Variants in PIGU observed in about 807,000 individuals in gnomAD.
PIGU encodes the protein phosphatidylinositol glycan anchor biosynthesis class U.
A neutral mutation model predicts 49.9 loss-of-function variants in PIGU; 24 were observed. That is an observed-to-expected ratio of 0.48 (90% CI 0.35 to 0.68). The LOEUF is 0.68. Among genes scored for constraint, PIGU ranks in the 30% least tolerant of loss-of-function variants. The probability of loss-of-function intolerance (pLI) is 0.01; values close to 1 mark genes in which losing one functional copy is unlikely to be tolerated. For synonymous variants in PIGU, 220 were observed against 205.7 expected (o/e 1.07, Z -0.59); for missense variants, 490 against 532.6 (o/e 0.92, Z 0.79).
chr20:34,561,386 G>A (rs1982501391), intron 11 of PIGU, among the ~76,000 whole-genome samples: 1 of 152,214 alleles, frequency 6.6e-6, no homozygotes. Context: ...CTTCCAGCCA[G>A]GTGCCCAGGC....
At chr20:34,634,514 T>C in intron 6 of PIGU, 101 bp downstream of exon 6, 43 of 1,406,542 alleles carry the variant, frequency 3.1e-5, no homozygotes, top group Non-Finnish European at 4.0e-5. Flanking sequence ...TGTTTTTAAG[T>C]GTTGCATTAA....
In PIGU at chr20:34,655,965, A is replaced by G. The variant is rs1986683851; in HGVS notation, c.195+1215T>C. Among the ~76,000 whole-genome samples the G allele has an allele frequency of 2.0e-5, 2 of 102,528 alleles. 1 individual carries two copies. The highest frequency in any genetic ancestry group is 7.4e-5 in the African/African-American group (2 of 27,044). 67.3% of individuals were successfully genotyped at this position (102,528 alleles called of 152,430 possible). ...GGACCTAATTAAGAGTGTTTTCACT[A>G]TTCTTTTTTTTTTTTTTTTTTTTTT... On this transcript the variant is annotated intron_variant, in intron 2 of 11. Coordinates refer to ENST00000217446, the MANE Select transcript of PIGU (RefSeq NM_080476.5).
intron 6 of PIGU, among the ~76,000 whole-genome samples, chr20:34,631,785 ATTTTTTTTTTTT>A (rs1166878990): frequency 6.2e-4 from 4 of 6,442 alleles, no homozygotes; most frequent in African/African-American, 2.5e-3. Context: ...ATATATATAT[ATTTTTTTTTTTT>A]TTTTTTTTTT....
intron 9 of PIGU, 55 bp downstream of exon 9, chr20:34,585,382 C>T (rs1983656194): frequency 1.3e-6 from 2 of 1,570,654 alleles, no homozygotes; most frequent in South Asian, 2.3e-5. Context: ...CTACTAGAGG[C>T]AGGGGCTTCT....
chr20:34,612,629 T>C lies in PIGU; in HGVS notation c.627+3413A>G, dbSNP rs568668458. Reference sequence around the variant, plus strand: ...TTTTTCTTTCCTTTTCTTTTTTTTTTTTTTCTTTTTTTGAGACAGAGTGTC... The same window carrying C: ...TTTTTCTTTCCTTTTCTTTTTTTTTCTTTTCTTTTTTTGAGACAGAGTGTC... On this transcript the variant is annotated intron_variant, in intron 7 of 11. Transcript: ENST00000217446. Among the ~76,000 whole-genome samples, 3 of 151,210 alleles carry C rather than the reference T, an allele frequency of 2.0e-5. No homozygotes were observed. In the South Asian group the frequency reaches 6.3e-4, roughly 32 times the overall value.
chr20:34,632,380 T>C (rs988937699), intron 6 of PIGU, among the ~76,000 whole-genome samples: 9 of 151,988 alleles, frequency 5.9e-5, no homozygotes, highest in African/African-American at 2.2e-4. Context: ...CCCTTTTTTT[T>C]TTTTTTGAGA....
chr20:34,652,554 G>A lies in PIGU; in HGVS notation c.195+4626C>T, dbSNP rs117845481. On this transcript the variant is annotated intron_variant, in intron 2 of 11. Coordinates refer to ENST00000217446, the MANE Select transcript of PIGU (RefSeq NM_080476.5). Reference sequence around the variant, plus strand: ...CTAGTTTCTTAAGGTAGAAGCTGTGGTTATTGACTTGAGGTCTTCTTTTCT... The same window carrying A: ...CTAGTTTCTTAAGGTAGAAGCTGTGATTATTGACTTGAGGTCTTCTTTTCT... Among the ~76,000 whole-genome samples the A allele has an allele frequency of 5.4e-3, 825 of 152,184 alleles. 29 individuals carry two copies. Among genetic ancestry groups the A allele is most frequent in the East Asian group, 0.037 (190 of 5,182 alleles).
At chr20:34,617,837 G>A (rs1432912519) in intron 6 of PIGU, among the ~76,000 whole-genome samples, 2 of 152,152 alleles carry the variant, frequency 1.3e-5, no homozygotes, top group Non-Finnish European at 2.9e-5. Context: ...AATGTGGGAG[G>A]GACCCAGGGG....
chr20:34,588,338 G>A, intron 8 of PIGU, 115 bp downstream of exon 8: 1 of 891,164 alleles, frequency 1.1e-6, no homozygotes, highest in East Asian at 2.9e-5. Context: ...GTTGTTTGAG[G>A]AATGTTCATA....
At chr20:34,662,555 A>G (rs1232914880) in intron 1 of PIGU, among the ~76,000 whole-genome samples, 1 of 151,930 alleles carries the variant, frequency 6.6e-6, no homozygotes, top group Non-Finnish European at 1.5e-5. Flanking sequence ...CCACCAGACC[A>G]CCTAATTTTT....
intron 11 of PIGU, among the ~76,000 whole-genome samples, chr20:34,574,681 C>T (rs1260801687): frequency 6.6e-6 from 1 of 152,182 alleles, no homozygotes; most frequent in African/African-American, 2.4e-5. Flanking sequence ...CCCTCTCCCC[C>T]TCACTCTATC....
At chr20:34,622,984 CG>C (rs1055423832) in intron 6 of PIGU, among the ~76,000 whole-genome samples, 2 of 152,042 alleles carry the variant, frequency 1.3e-5, no homozygotes, top group Non-Finnish European at 2.9e-5. Context: ...TCAGCAAGAC[CG>C]GGGGTAATAC....
chr20:34,644,355 A>G, intron 3 of PIGU, 129 bp from the exon 4 acceptor site: 2 of 675,708 alleles, frequency 3.0e-6, no homozygotes, highest in South Asian at 3.6e-5. Context: ...ATCAGGTAGA[A>G]CTTCAACCCT....
At chr20:34,585,316 G>A (rs1983653885) in intron 9 of PIGU, 121 bp downstream of exon 9, 13 of 1,228,476 alleles carry the variant, frequency 1.1e-5, no homozygotes, top group Non-Finnish European at 1.5e-5. Flanking sequence ...GGTTCCTTAG[G>A]TGAGATGCTC....
chr20:34,609,587 A>C (rs1385388414), intron 7 of PIGU, among the ~76,000 whole-genome samples: 1 of 151,694 alleles, frequency 6.6e-6, no homozygotes, highest in Non-Finnish European at 1.5e-5. Flanking sequence ...CTTGTCTCGA[A>C]CTCCTAACCT....
At chr20:34,616,953 T>C (rs752536929) in intron 6 of PIGU, among the ~76,000 whole-genome samples, 1 of 152,128 alleles carries the variant, frequency 6.6e-6, no homozygotes, top group Non-Finnish European at 1.5e-5. Context: ...CTACTAAAAA[T>C]ACAAACATTA....
chr20:34,565,184 T>C (rs981953706), intron 11 of PIGU, among the ~76,000 whole-genome samples: 8 of 152,196 alleles, frequency 5.3e-5, no homozygotes, highest in African/African-American at 1.9e-4. Flanking sequence ...AGTCTCTTCC[T>C]GTCCCCTGGG....
At chr20:34,626,686 T>G (rs1415537727) in intron 6 of PIGU, among the ~76,000 whole-genome samples, 1 of 152,230 alleles carries the variant, frequency 6.6e-6, no homozygotes, top group African/African-American at 2.4e-5. Flanking sequence ...ATCTATTTGA[T>G]AGAACATTTG....
chr20:34,668,188 C>T (rs910211250), intron 1 of PIGU, among the ~76,000 whole-genome samples: 1 of 151,974 alleles, frequency 6.6e-6, no homozygotes, highest in Admixed American at 6.6e-5. Flanking sequence ...TGTGGCCAGG[C>T]GCGGTGGCTC....
Sources: allele counts gnomAD v4.1 joint callset (sites outside exome capture counted in the v4.1 genomes callset), GRCh38; gene constraint gnomAD v4.1.1; transcripts MANE v1.5; gene names NCBI Gene and HGNC (gene_info 2026-07-23, HGNC 2026-07-21).